Variants in ARHGAP12 observed in about 807,000 individuals in gnomAD.
ARHGAP12 encodes the protein rho GTPase-activating protein 12.
A neutral mutation model predicts 108.6 loss-of-function variants in ARHGAP12; 64 were observed. The ratio of observed to expected loss-of-function variants is 0.59; its 90% CI spans 0.48 to 0.73. The LOEUF is 0.73. Ranked by LOEUF, ARHGAP12 falls within the 30% of genes least tolerant of loss-of-function variation. ARHGAP12 has a pLI of 0.00. For synonymous variants in ARHGAP12, 312 were observed against 337.2 expected, an observed-to-expected ratio of 0.93 and a Z score of 0.82; for missense variants, 940 against 1,005.9, an observed-to-expected ratio of 0.93 and a Z score of 0.89.
chr10:31,923,116 A>C (rs190180331), intron 1 of ARHGAP12, among the ~76,000 whole-genome samples: 57 of 147,552 alleles, frequency 3.9e-4, no homozygotes, highest in African/African-American at 1.4e-3. Context: ...GGGGTGACAG[A>C]GCAAGACCCT....
intron 18 of ARHGAP12, 50 bp downstream of exon 18, chr10:31,808,944 G>C (rs1336733910): frequency 6.6e-7 from 1 of 1,513,442 alleles, no homozygotes; most frequent in South Asian, 1.2e-5. Flanking sequence ...CTTAATCTGT[G>C]CAAAGAATTT....
rs769820543 is a variant in ARHGAP12 at position 31,864,333 on chromosome 10, CAAAT to C, written c.685-2679_685-2676del. Among the ~76,000 whole-genome samples the C allele has an allele frequency of 2.1e-3, 323 of 152,140 alleles. 1 individual carries two copies. The highest frequency in any genetic ancestry group is 4.3e-4 in the Non-Finnish European group (29 of 67,962). Reference sequence around the variant, plus strand: ...ATTCATAATAGGAAAAAAACTAACACAAATAAGCCTTAAAAGAAATGTATAAAAT... The same window carrying C: ...ATTCATAATAGGAAAAAAACTAACACAAGCCTTAAAAGAAATGTATAAAAT... On this transcript the variant is annotated intron_variant, in intron 3 of 19. Coordinates refer to ENST00000344936, the MANE Select transcript of ARHGAP12 (RefSeq NM_018287.7).
intron 6 of ARHGAP12, among the ~76,000 whole-genome samples, chr10:31,851,712 T>C (rs1056793891): frequency 6.6e-6 from 1 of 152,230 alleles, no homozygotes; most frequent in African/African-American, 2.4e-5. Flanking sequence ...GTTTCCGAAC[T>C]TGTAGTCAAT....
chr10:31,854,299 G>T, intron 4 of ARHGAP12, 93 bp from the exon 5 acceptor site: 1 of 1,081,722 alleles, frequency 9.2e-7, no homozygotes, highest in Non-Finnish European at 1.3e-6. Context: ...TTGACTATAA[G>T]TATGAAGATA....
chr10:31,882,160 C>T (rs996107900), intron 3 of ARHGAP12, among the ~76,000 whole-genome samples: 14 of 151,970 alleles, frequency 9.2e-5, no homozygotes, highest in Admixed American at 2.6e-4. Flanking sequence ...GTGATCCGCC[C>T]GCCTCGGCCT....
intron 4 of ARHGAP12, among the ~76,000 whole-genome samples, chr10:31,860,308 A>G (rs1837066455): frequency 6.6e-6 from 1 of 152,202 alleles, no homozygotes; most frequent in Non-Finnish European, 1.5e-5. Context: ...TGTACGAGCT[A>G]GCTGCTTTCT....
chr10:31,878,551 C>T (rs1837819585), intron 3 of ARHGAP12, among the ~76,000 whole-genome samples: 2 of 152,100 alleles, frequency 1.3e-5, no homozygotes. Context: ...TAAAATGAGG[C>T]AAAAAGTGTA....
intron 4 of ARHGAP12, among the ~76,000 whole-genome samples, chr10:31,860,343 G>A (rs1837068527): frequency 6.6e-6 from 1 of 152,148 alleles, no homozygotes; most frequent in Non-Finnish European, 1.5e-5. Context: ...TCCTATGCAG[G>A]TGGAGGGACT....
At position 31,907,474 on chromosome 10, in the gene ARHGAP12, T is replaced by A. The variant is rs28519068; in HGVS notation, c.684+698A>T. Among the ~76,000 whole-genome samples, 99 of 43,722 alleles carry A rather than the reference T, an allele frequency of 2.3e-3. 1 individual carries two copies. The highest frequency in any genetic ancestry group is 5.4e-3 in the South Asian group (7 of 1,308). 28.7% of individuals were successfully genotyped at this position (43,722 alleles called of 152,430 possible). On this transcript the variant is annotated intron_variant, in intron 3 of 19. Transcript: ENST00000344936. Reference sequence around the variant, plus strand: ...ATCCTGTCTCTAAAAAAAAAAAAAATTTTTTTTTAATTAGCTGGCTGTGGT... The same window carrying A: ...ATCCTGTCTCTAAAAAAAAAAAAAAATTTTTTTTAATTAGCTGGCTGTGGT...
intron 1 of ARHGAP12, among the ~76,000 whole-genome samples, chr10:31,920,676 T>C (rs1839768127): frequency 1.6e-5 from 2 of 126,124 alleles, no homozygotes; most frequent in South Asian, 4.7e-4. Context: ...GTTTTTGTTT[T>C]TGTTTTTGTT....
chr10:31,861,033 C>G (rs553211791), intron 4 of ARHGAP12, among the ~76,000 whole-genome samples: 2 of 152,308 alleles, frequency 1.3e-5, no homozygotes, highest in Middle Eastern at 6.8e-3. Flanking sequence ...CCAGCCTGGG[C>G]AACAGAGCTA....
intron 7 of ARHGAP12, 47 bp from the exon 8 acceptor site, chr10:31,839,758 A>G (rs1836188454): frequency 6.8e-7 from 1 of 1,462,416 alleles, no homozygotes; most frequent in Non-Finnish European, 9.4e-7. Flanking sequence ...TTATATAATT[A>G]TATTTCTGCC....
chr10:31,896,068 A>G (rs1838676134), intron 3 of ARHGAP12, among the ~76,000 whole-genome samples: 1 of 151,900 alleles, frequency 6.6e-6, no homozygotes, highest in African/African-American at 2.4e-5. Flanking sequence ...GAAGGGGAAC[A>G]TCACACACCG....
At chr10:31,878,527 T>C (rs1419066230) in intron 3 of ARHGAP12, among the ~76,000 whole-genome samples, 1 of 152,388 alleles carries the variant, frequency 6.6e-6, no homozygotes, top group East Asian at 1.9e-4. Flanking sequence ...TGTCTTATTG[T>C]ATTTTACATT....
chr10:31,907,421 A>G (rs959768001), intron 3 of ARHGAP12, among the ~76,000 whole-genome samples: 3 of 151,812 alleles, frequency 2.0e-5, no homozygotes, highest in Non-Finnish European at 2.9e-5. Flanking sequence ...TGAGCCCAGG[A>G]AGTGACCAGC....
intron 6 of ARHGAP12, among the ~76,000 whole-genome samples, chr10:31,845,324 A>G (rs1836413810): frequency 6.6e-6 from 1 of 152,188 alleles, no homozygotes; most frequent in African/African-American, 2.4e-5. Context: ...TTCCTTTTTA[A>G]TTCCATTATT....
chr10:31,807,840 GA>G lies in ARHGAP12; in HGVS notation c.2367-9del, dbSNP rs1436615418. On this transcript the variant is annotated splice_polypyrimidine_tract_variant and intron_variant, in intron 19 of 19. Coordinates refer to ENST00000344936, the MANE Select transcript of ARHGAP12 (RefSeq NM_018287.7). ...TCTCCATTTTCTATAACTCTGAAGG[GA>G]AAAAAAGAAGTTGTTAAAAGAGAAA... The G allele has an allele frequency of 4.0e-6, 6 of 1,488,650 alleles. No homozygotes were observed. Among genetic ancestry groups the G allele is most frequent in the South Asian group, 1.4e-5 (1 of 71,432 alleles). 92.2% of individuals were successfully genotyped at this position (1,488,650 alleles called of 1,614,324 possible).
intron 1 of ARHGAP12, among the ~76,000 whole-genome samples, chr10:31,915,928 A>G (rs944579905): frequency 6.6e-6 from 1 of 152,180 alleles, no homozygotes; most frequent in Admixed American, 6.5e-5. Context: ...TTACTTAAAA[A>G]CATAAGCTGT....
chr10:31,872,326 A>G (rs1837570505), intron 3 of ARHGAP12, among the ~76,000 whole-genome samples: 2 of 152,136 alleles, frequency 1.3e-5, no homozygotes, highest in African/African-American at 4.8e-5. Flanking sequence ...AGCTACCGAC[A>G]TGTATTCTGA....
Sources: allele counts gnomAD v4.1 joint callset (sites outside exome capture counted in the v4.1 genomes callset), GRCh38; gene constraint gnomAD v4.1.1; transcripts MANE v1.5; gene names NCBI Gene and HGNC (gene_info 2026-07-23, HGNC 2026-07-21).